The following CLVS1 variants were observed in gnomAD, a reference collection of about 807,000 sequenced individuals.
CLVS1 encodes the protein clavesin 1.
In CLVS1, 10 loss-of-function variants were observed where a neutral mutation model predicts 33.1. That is an observed-to-expected ratio of 0.30 (90% CI 0.19 to 0.51). The LOEUF (loss-of-function observed/expected upper bound fraction) is 0.51. CLVS1 is among the 20% of genes least tolerant of loss of function. CLVS1 has a pLI of 0.97. For synonymous variants in CLVS1, 163 were observed against 166.1 expected, an observed-to-expected ratio of 0.98 and a Z score of 0.14; for missense variants, 343 against 433.4, an observed-to-expected ratio of 0.79 and a Z score of 1.85.
At chr8:61,436,079 T>C (rs988583818) in intron 3 of CLVS1, among the ~76,000 whole-genome samples, 1 of 152,220 alleles carries the variant, frequency 6.6e-6, no homozygotes, top group Admixed American at 6.5e-5. Flanking sequence ...TCATATAATG[T>C]CAGCTCATAA....
At chr8:61,408,134 G>T (rs539813122) in intron 3 of CLVS1, among the ~76,000 whole-genome samples, 1 of 152,104 alleles carries the variant, frequency 6.6e-6, no homozygotes, top group Non-Finnish European at 1.5e-5. Context: ...TCCATTGGGC[G>T]GTAGGGAGAA....
intron 3 of CLVS1, among the ~76,000 whole-genome samples, chr8:61,432,701 TA>T (rs1392496850): frequency 2.6e-5 from 4 of 152,172 alleles, no homozygotes; most frequent in African/African-American, 9.7e-5. Context: ...ATCTGTTATA[TA>T]AATAGATATA....
intron 2 of CLVS1, among the ~76,000 whole-genome samples, chr8:61,231,571 A>C (rs1808433626): frequency 6.9e-6 from 1 of 144,674 alleles, no homozygotes; most frequent in Admixed American, 7.0e-5. Flanking sequence ...GCACAAGGAG[A>C]GTTTCACCTC....
chr8:61,224,378 C>G (rs759805046), intron 2 of CLVS1, among the ~76,000 whole-genome samples: 2 of 152,066 alleles, frequency 1.3e-5, no homozygotes, highest in Non-Finnish European at 2.9e-5. Flanking sequence ...GTTGTTGATG[C>G]TGTTGTCATT....
rs536468408 is a variant in CLVS1, at chr8:61,499,422, G to GTAA, written c.978-31_978-29dup. On this transcript the variant is annotated intron_variant, in intron 5 of 5. Coordinates refer to ENST00000325897, the MANE Select transcript of CLVS1 (RefSeq NM_173519.3). ...CCAAAATTGTCACCATGAATTGTTT[G>GTAA]TAATTCTGTCTTTTTCCCTCCCCTC... 586 of 1,486,306 alleles carry GTAA rather than the reference G, an allele frequency of 3.9e-4. 5 individuals are homozygous for GTAA. In the South Asian group the frequency reaches 6.2e-3, roughly 16 times the overall value. 92.1% of individuals were successfully genotyped at this position (1,486,306 alleles called of 1,614,324 possible).
At chr8:61,156,590 T>C (rs1806654680) in intron 2 of CLVS1, among the ~76,000 whole-genome samples, 1 of 152,208 alleles carries the variant, frequency 6.6e-6, no homozygotes, top group South Asian at 2.1e-4. Context: ...TTTGAGTTTC[T>C]TTTCCATTAC....
chr8:61,188,872 T>C (rs1807401000), intron 2 of CLVS1, among the ~76,000 whole-genome samples: 2 of 152,080 alleles, frequency 1.3e-5, no homozygotes, highest in Admixed American at 1.3e-4. Context: ...GAATGGGATA[T>C]AGGTAATATT....
intron 1 of CLVS1, among the ~76,000 whole-genome samples, chr8:61,110,080 T>G (rs1805599133): frequency 6.6e-6 from 1 of 152,212 alleles, no homozygotes; most frequent in African/African-American, 2.4e-5. Flanking sequence ...CCCTGAGCGT[T>G]GGCTGCTAAT....
At chr8:61,010,622 C>T in the CLVS1 span, among the ~76,000 whole-genome samples, 6 of 152,182 alleles carry the variant, frequency 3.9e-5, no homozygotes, top group Admixed American at 6.5e-5. Flanking sequence ...CTTACTGTTG[C>T]CCATTTGTTA....
At chr8:61,231,084 A>G (rs1037363249) in intron 2 of CLVS1, among the ~76,000 whole-genome samples, 9 of 152,172 alleles carry the variant, frequency 5.9e-5, no homozygotes, top group African/African-American at 2.2e-4. Context: ...AGTTTATAGT[A>G]GTATGCAAAA....
chr8:61,320,052 A>G (rs1811141789), intron 2 of CLVS1, among the ~76,000 whole-genome samples: 1 of 152,056 alleles, frequency 6.6e-6, no homozygotes, highest in African/African-American at 2.4e-5. Context: ...ACTCTTCTTT[A>G]TGTATCCAGC....
intron 2 of CLVS1, among the ~76,000 whole-genome samples, chr8:61,232,029 T>TGTTTGTTTGTTTGTTTGTTTG (rs1563455079): frequency 6.9e-5 from 3 of 43,750 alleles, no homozygotes; most frequent in African/African-American, 2.8e-4. Flanking sequence ...TGTGGTTTTT[T>TGTTTGTTTGTTTGTTTGTTTG]TTTTTTTTTT....
At chr8:61,129,048 A>G (rs1363955049) in intron 1 of CLVS1, among the ~76,000 whole-genome samples, 2 of 152,188 alleles carry the variant, frequency 1.3e-5, no homozygotes, top group Non-Finnish European at 2.9e-5. Flanking sequence ...TTATTTCCAC[A>G]CTGAGAAGAT....
Position 61,455,818 on chromosome 8 carries a change from G to A in CLVS1, c.741+1567G>A, listed in dbSNP as rs374494905. Among the ~76,000 whole-genome samples the A allele has an allele frequency of 1.8e-4, 27 of 152,180 alleles. No homozygotes were observed. In the East Asian group the frequency reaches 2.3e-3, roughly 13 times the overall value. Reference sequence around the variant, plus strand: ...GGACTGATAATGTGAGGGATTCCCCGCCACCTCCCACACTCTGCAGGGTTT... The same window carrying A: ...GGACTGATAATGTGAGGGATTCCCCACCACCTCCCACACTCTGCAGGGTTT... On this transcript the variant is annotated intron_variant, in intron 4 of 5. Coordinates refer to ENST00000325897, the MANE Select transcript of CLVS1 (RefSeq NM_173519.3).
At chr8:61,172,174 T>G (rs1807015389) in intron 2 of CLVS1, among the ~76,000 whole-genome samples, 1 of 152,194 alleles carries the variant, frequency 6.6e-6, no homozygotes, top group Non-Finnish European at 1.5e-5. Flanking sequence ...CTGCATCTTT[T>G]GTCTATGTTA....
At chr8:61,086,021 G>C (rs1207626942) in intron 1 of CLVS1, among the ~76,000 whole-genome samples, 1 of 114,786 alleles carries the variant, frequency 8.7e-6, no homozygotes, top group Non-Finnish European at 1.7e-5. Context: ...GGGCGACAGA[G>C]CGAGACTCCC....
At chr8:61,350,892 T>C (rs1233213898) in intron 2 of CLVS1, among the ~76,000 whole-genome samples, 1 of 152,116 alleles carries the variant, frequency 6.6e-6, no homozygotes, top group African/African-American at 2.4e-5. Context: ...GCCACTCTGG[T>C]AGACATGGTG....
rs1436810732 is a variant in CLVS1 at position 61,426,739 on chromosome 8, C to T, written c.631-27402C>T. ...TTGAAGACAGCAACCCTCTTCTGTG[C>T]TTATCCTGTATCTTCATTTTTATCA... On this transcript the variant is annotated intron_variant, in intron 3 of 5. Coordinates refer to ENST00000325897, the MANE Select transcript of CLVS1 (RefSeq NM_173519.3). 2.0e-5 allele frequency among the ~76,000 whole-genome samples: 3 copies of T among 152,314 alleles called. No homozygotes were observed. The East Asian group carries it at 5.8e-4, about 29-fold the overall frequency.
chr8:61,142,890 G>T (rs1806335739), intron 2 of CLVS1, among the ~76,000 whole-genome samples: 1 of 152,106 alleles, frequency 6.6e-6, no homozygotes, highest in African/African-American at 2.4e-5. Flanking sequence ...GGACATACTT[G>T]CTATTAAAAT....
Sources: gnomAD v4.1 joint callset for allele counts (sites outside exome capture counted in the v4.1 genomes callset) on GRCh38, gnomAD v4.1.1 for gene constraint, MANE v1.5 for transcripts, NCBI Gene and HGNC (gene_info 2026-07-23, HGNC 2026-07-21) for gene names.